Variants in MAPK12 observed in about 807,000 individuals in gnomAD.
MAPK12 encodes the protein mitogen-activated protein kinase 12.
In MAPK12, 49 loss-of-function variants were observed where a neutral mutation model predicts 49.1. The observed-to-expected ratio is 1.00, with a 90% confidence interval of 0.79 to 1.27. The LOEUF (loss-of-function observed/expected upper bound fraction) is 1.27, where lower values mean the gene tolerates loss of function less well. Ranked by LOEUF, MAPK12 falls within the 50% of genes most tolerant of loss-of-function variation. The pLI, the probability that MAPK12 is intolerant of heterozygous loss-of-function variation, is 0.00. For synonymous variants in MAPK12, 251 were observed against 209.7 expected (o/e 1.20, Z -1.70); for missense variants, 554 against 502.4 (o/e 1.10, Z -0.98).
At chr22:50,253,502 G>GGGGGGGGAC in intron 11 of MAPK12, 22 bp from the exon 12 acceptor site, 5 of 171,686 alleles carry the variant, frequency 2.9e-5, no homozygotes, top group South Asian at 8.9e-5. Flanking sequence ...GGGGGGGCGG[G>GGGGGGGGAC]CACAACAGAG....
chr22:50,261,636 C>A lies in MAPK12; in HGVS notation c.-127G>T. ...CTCGTCCGCTCGCCCGCCCGCCCGC[C>A]GGCCGCTGGGGCGCTCCCGCTCCCG... On this transcript the variant is annotated 5_prime_UTR_variant, in exon 1 of 12. Transcript: ENST00000215659. The A allele has an allele frequency of 1.0e-6, 1 of 972,068 alleles. No homozygotes were observed. The highest frequency in any genetic ancestry group is 1.2e-6 in the Non-Finnish European group (1 of 815,886). 60.2% of individuals were successfully genotyped at this position (972,068 alleles called of 1,614,324 possible). A position where few individuals can be genotyped will look rare whatever the true frequency, so the allele number is the denominator to read the frequency against.
intron 11 of MAPK12, 22 bp from the exon 12 acceptor site, chr22:50,253,502 G>GGGGGGGGGGGGGGA: frequency 2.3e-5 from 4 of 171,684 alleles, no homozygotes; most frequent in Admixed American, 1.1e-4. Flanking sequence ...GGGGGGGCGG[G>GGGGGGGGGGGGGGA]CACAACAGAG....
At chr22:50,259,888 A>G (rs1380854421) in intron 2 of MAPK12, among the ~76,000 whole-genome samples, 1 of 150,202 alleles carries the variant, frequency 6.7e-6, no homozygotes, top group Admixed American at 6.6e-5. Context: ...CGGTCTCAAA[A>G]GAAAAAAAAA....
chr22:50,260,506 C>T (rs113592000), intron 2 of MAPK12, among the ~76,000 whole-genome samples: 2,006 of 152,202 alleles, frequency 0.013, 55 homozygotes, highest in African/African-American at 0.046. Flanking sequence ...TGGGAGAGGC[C>T]CAGGGCAGCT....
intron 1 of MAPK12, 25 bp downstream of exon 1, chr22:50,261,360 G>T: frequency 8.8e-7 from 1 of 1,137,484 alleles, no homozygotes; most frequent in Non-Finnish European, 1.1e-6. Flanking sequence ...CGCCCCGCCG[G>T]CCGCCCCGCC....
At chr22:50,256,457 G>C in intron 6 of MAPK12, 142 bp downstream of exon 6, 1 of 1,128,580 alleles carries the variant, frequency 8.9e-7, no homozygotes. Flanking sequence ...CTGCCTCTTG[G>C]GCTCACCCAC....
intron 2 of MAPK12, among the ~76,000 whole-genome samples, chr22:50,260,644 G>A (rs2065202175): frequency 6.6e-6 from 1 of 152,144 alleles, no homozygotes; most frequent in South Asian, 2.1e-4. Flanking sequence ...CACCCCCAGG[G>A]GCTCCTGAGG....
Position 50,255,794 on chromosome 22 carries a change from T to A in MAPK12, c.691+16A>T. 4 of 1,612,346 alleles carry A rather than the reference T, an allele frequency of 2.5e-6. No homozygotes were observed. The highest frequency in any genetic ancestry group is 3.4e-6 in the Non-Finnish European group (4 of 1,179,934). ...TCCCCACCCGCCCCTGGTGCCGCCCTGCGGCTGGAGGATACGGTCGCTGCC... is the reference window on the plus strand; with the variant it reads ...TCCCCACCCGCCCCTGGTGCCGCCCAGCGGCTGGAGGATACGGTCGCTGCC... On this transcript the variant is annotated intron_variant, in intron 8 of 11. Transcript: ENST00000215659.
intron 2 of MAPK12, 185 bp downstream of exon 2, chr22:50,260,982 T>A (rs1260198244): frequency 3.2e-6 from 2 of 630,124 alleles, no homozygotes; most frequent in Non-Finnish European, 4.9e-6. Flanking sequence ...GAACGGCCCT[T>A]GGGGGAGTCG....
At chr22:50,257,799 G>T in intron 3 of MAPK12, 1 of 712,658 alleles carries the variant, frequency 1.4e-6, no homozygotes, top group South Asian at 1.5e-5. Context: ...ACTCTTGGCC[G>T]ACAGGGTGTG....
chr22:50,258,391 C>T, intron 2 of MAPK12, 90 bp from the exon 3 acceptor site: 1 of 1,079,184 alleles, frequency 9.3e-7, no homozygotes, highest in Admixed American at 1.7e-5. Context: ...GCAGGAAACC[C>T]CCTCTGCAGC....
chr22:50,257,484 A>G, intron 3 of MAPK12: 1 of 525,480 alleles, frequency 1.9e-6, no homozygotes, highest in Non-Finnish European at 3.5e-6. Flanking sequence ...CCTCCGCTGA[A>G]GCGCCCTGCG....
At chr22:50,257,568 G>A (rs2065163338) in intron 3 of MAPK12, 1 of 538,242 alleles carries the variant, frequency 1.9e-6, no homozygotes, top group African/African-American at 1.9e-5. Context: ...GAGGGAGGCA[G>A]TCAGGTTTCA....
Position 50,253,146 on chromosome 22 carries a change from G to A in MAPK12, c.*255C>T. Reference sequence around the variant, plus strand: ...GGTTTCTGAGAGCACCGGGCAAGTGGGCCACTGCTCCAGGGATCAGAGGCC... The same window carrying A: ...GGTTTCTGAGAGCACCGGGCAAGTGAGCCACTGCTCCAGGGATCAGAGGCC... On this transcript the variant is annotated 3_prime_UTR_variant, in exon 12 of 12. Coordinates refer to ENST00000215659, the MANE Select transcript of MAPK12 (RefSeq NM_002969.6). The A allele has an allele frequency of 1.9e-6, 1 of 529,148 alleles. No individual in the cohort carries two copies. Among genetic ancestry groups the A allele is most frequent in the South Asian group, 2.0e-5 (1 of 49,890 alleles). 32.8% of individuals were successfully genotyped at this position (529,148 alleles called of 1,614,324 possible).
chr22:50,255,034 C>G, intron 11 of MAPK12, 163 bp downstream of exon 11: 1 of 1,496,932 alleles, frequency 6.7e-7, no homozygotes, highest in East Asian at 2.5e-5. Context: ...AGCCTGGCCA[C>G]CTGCACAGGG....
intron 3 of MAPK12, chr22:50,257,614 C>T (rs1005365465): frequency 1.2e-5 from 7 of 565,920 alleles, no homozygotes; most frequent in Non-Finnish European, 2.2e-5. Flanking sequence ...AGGGAGGTGC[C>T]TGGGGGCGAT....
At position 50,255,349 on chromosome 22, in the gene MAPK12, A is replaced by G. The variant is rs550397425; in HGVS notation, c.872T>C (p.Met291Thr). 7 of 1,613,412 alleles carry G rather than the reference A, an allele frequency of 4.3e-6. No homozygotes were observed. In the African/African-American group the frequency reaches 6.7e-5, roughly 15 times the overall value. The part of the protein sequence containing the change: ...SPLAVNLLEK[M>T]LVLDAEQRVT... ...CCGCTGCTCCGCGTCCAGCACCAGC[A>G]TCTTCTCCAGGAGGTTCACAGCTGC... Residue 291 changes from methionine (M) to threonine (T), a missense_variant, in exon 11 of 12, where the codon ATG (methionine) becomes ACG (threonine). Transcript: ENST00000215659.
intron 11 of MAPK12, chr22:50,254,241 T>TGG (rs1322895622): frequency 1.3e-5 from 2 of 152,630 alleles, no homozygotes; most frequent in African/African-American, 2.4e-5. Context: ...TAGGGGATGA[T>TGG]GGACCCCAGC....
In MAPK12 at chr22:50,261,601, C is replaced by T. The variant is rs1003151479; in HGVS notation, c.-92G>A. The T allele has an allele frequency of 3.9e-3, 3,900 of 1,002,060 alleles. 14 individuals are homozygous for T. The highest frequency in any genetic ancestry group is 4.3e-3 in the Non-Finnish European group (3,663 of 843,214). 62.1% of individuals were successfully genotyped at this position (1,002,060 alleles called of 1,614,324 possible). On this transcript the variant is annotated 5_prime_UTR_variant, in exon 1 of 12. Coordinates refer to ENST00000215659, the MANE Select transcript of MAPK12 (RefSeq NM_002969.6). Reference sequence around the variant, plus strand: ...TCCCTCGGCGCGCGCCTCGGGCCGGCTCCGCGCCGCTCGTCCGCTCGCCCG... The same window carrying T: ...TCCCTCGGCGCGCGCCTCGGGCCGGTTCCGCGCCGCTCGTCCGCTCGCCCG...
Sources: allele counts gnomAD v4.1 joint callset (sites outside exome capture counted in the v4.1 genomes callset), GRCh38; gene constraint gnomAD v4.1.1; transcripts MANE v1.5; gene names NCBI Gene and HGNC (gene_info 2026-07-23, HGNC 2026-07-21).